SNX11: variants seen among roughly 807,000 people sequenced by gnomAD.
The protein encoded by SNX11 is sorting nexin-11.
In SNX11, 19 loss-of-function variants were observed where a neutral mutation model predicts 30.7. The observed-to-expected ratio is 0.62, with a 90% confidence interval of 0.43 to 0.91. SNX11 has a LOEUF of 0.91. Ranked by LOEUF, SNX11 falls within the 40% of genes least tolerant of loss-of-function variation. SNX11 has a pLI of 0.00. For missense variants in SNX11, 302 were observed against 326.7 expected (o/e 0.92, Z 0.58); for synonymous variants, 112 against 119.0 (o/e 0.94, Z 0.38).
In SNX11 at chr17:48,119,098, A is replaced by G; in HGVS notation, c.451A>G (p.Ile151Val). 1.2e-6 allele frequency: 2 copies of G among 1,614,166 alleles called. No homozygotes were observed. Among genetic ancestry groups the G allele is most frequent in the Non-Finnish European group, 1.7e-6 (2 of 1,180,032 alleles). ...GRSTMTVSDA[I>V]LRYAMSNCGW... ...AAGTACCATGACTGTGTCTGATGCCATTCTTCGATATGCTATGTCAAACTG... is the reference window on the plus strand; with the variant it reads ...AAGTACCATGACTGTGTCTGATGCCGTTCTTCGATATGCTATGTCAAACTG... Residue 151 changes from isoleucine (I) to valine (V), a missense_variant, in exon 6 of 7, where the codon ATT becomes GTT. Ile to Val is a conservative substitution (Grantham distance 29). Transcript: ENST00000359238.
In SNX11 at chr17:48,121,509, G is replaced by A. The variant is rs748693854; in HGVS notation, c.*1G>A. 1.9e-6 allele frequency: 3 copies of A among 1,613,012 alleles called. No individual in the cohort carries two copies. Among genetic ancestry groups the A allele is most frequent in the South Asian group, 1.1e-5 (1 of 91,014 alleles). Reference sequence around the variant, plus strand: ...GTTAGAAACAGTTTTGGAAAAGTGAGCTCTGGGTTCTGCTCTGAGATGGTC... The same window carrying A: ...GTTAGAAACAGTTTTGGAAAAGTGAACTCTGGGTTCTGCTCTGAGATGGTC... On this transcript the variant is annotated 3_prime_UTR_variant, in exon 7 of 7. Transcript: ENST00000359238.
At chr17:48,119,210 A>C in intron 6 of SNX11, 24 bp downstream of exon 6, 1 of 1,572,828 alleles carries the variant, frequency 6.4e-7, no homozygotes, top group East Asian at 2.2e-5. Flanking sequence ...TCTTTGAGAT[A>C]GCAGGGGCTA....
At chr17:48,109,760 T>A (rs1364536191) in intron 1 of SNX11, among the ~76,000 whole-genome samples, 1 of 152,004 alleles carries the variant, frequency 6.6e-6, no homozygotes, top group Admixed American at 6.6e-5. Flanking sequence ...TTATTTTTAG[T>A]AGAGACGGAG....
At chr17:48,109,767 G>A (rs1292132536) in intron 1 of SNX11, among the ~76,000 whole-genome samples, 5 of 151,898 alleles carry the variant, frequency 3.3e-5, no homozygotes, top group East Asian at 1.9e-4. Flanking sequence ...TAGTAGAGAC[G>A]GAGTTTCATT....
At chr17:48,109,171 G>GT (rs1343525872) in intron 1 of SNX11, among the ~76,000 whole-genome samples, 1 of 151,082 alleles carries the variant, frequency 6.6e-6, no homozygotes, top group Non-Finnish European at 1.5e-5. Flanking sequence ...GGCCTCAAGT[G>GT]TTCTGCCCGC....
At chr17:48,118,665 T>C in intron 4 of SNX11, 39 bp from the exon 5 acceptor site, 2 of 1,428,560 alleles carry the variant, frequency 1.4e-6, no homozygotes, top group South Asian at 1.2e-5. Flanking sequence ...ATCTTAGATG[T>C]TACACTTATC....
chr17:48,119,121 C>T lies in SNX11; in HGVS notation c.474C>T (p.Asn158=), dbSNP rs1598339336. ...SDAILRYAMS[N]CGWAQEERQS... ...CCATTCTTCGATATGCTATGTCAAA[C>T]TGTGGCTGGGCCCAGGAAGAGAGGC... Residue 158 remains asparagine (N), a synonymous_variant, in exon 6 of 7, where the codon AAC becomes AAT. Transcript: ENST00000359238. 6.2e-7 allele frequency: 1 copy of T among 1,614,156 alleles called. No homozygotes were observed. The highest frequency in any genetic ancestry group is 8.5e-7 in the Non-Finnish European group (1 of 1,180,040).
chr17:48,112,710 G>T, intron 3 of SNX11, 50 bp downstream of exon 3: 1 of 1,222,662 alleles, frequency 8.2e-7, no homozygotes, highest in Non-Finnish European at 1.2e-6. Context: ...CAGGGCTGAG[G>T]GGCTTGTACT....
intron 1 of SNX11, chr17:48,111,097 G>T (rs1006765373): frequency 1.3e-5 from 13 of 985,260 alleles, no homozygotes; most frequent in Non-Finnish European, 1.4e-5. Context: ...TTGGACAGAA[G>T]TACAAACCGG....
At chr17:48,111,946 A>T in intron 1 of SNX11, 85 bp from the exon 2 acceptor site, 1 of 1,144,220 alleles carries the variant, frequency 8.7e-7, no homozygotes, top group Non-Finnish European at 1.3e-6. Context: ...GGGGTCTATT[A>T]AAAACTTTCG....
rs2063573477 is a variant in SNX11, at chr17:48,119,016, C to T, written c.369C>T (p.His123=). 6.2e-7 allele frequency: 1 copy of T among 1,614,072 alleles called. No individual in the cohort carries two copies. The highest frequency in any genetic ancestry group is 8.5e-7 in the Non-Finnish European group (1 of 1,180,026). Residue 123 remains histidine (H), a synonymous_variant, in exon 6 of 7, where the codon CAC becomes CAT. Transcript: ENST00000359238. ...TTCTCCTGTCAGACAGCCAGTTGCA[C>T]CTATTCCTGCAAAGCCAGCTCTCGG... is the stretch of plus-strand genomic sequence containing the variant. ...SVVLLSDSQL[H]LFLQSQLSVP...
At chr17:48,118,295 T>C (rs986818322) in intron 4 of SNX11, among the ~76,000 whole-genome samples, 21 of 151,932 alleles carry the variant, frequency 1.4e-4, no homozygotes, top group Non-Finnish European at 2.2e-4. Context: ...TAAAAGCTAA[T>C]TGGGGCCAGG....
In SNX11 at chr17:48,113,587, A is replaced by G. The variant is rs561664470; in HGVS notation, c.230+186A>G. ...TTGATGTAGGGTCTTGCTTTGTTAC[A>G]GAGGCTGGAGTGCAGTGGTGCAATC... On this transcript the variant is annotated intron_variant, in intron 4 of 6. Coordinates refer to ENST00000359238, the MANE Select transcript of SNX11 (RefSeq NM_013323.3). 1.3e-3 allele frequency: 595 copies of G among 462,484 alleles called. 8 individuals are homozygous for G. The highest frequency in any genetic ancestry group is 0.012 in the African/African-American group (565 of 48,994). 28.6% of individuals were successfully genotyped at this position (462,484 alleles called of 1,614,324 possible). A position where few individuals can be genotyped will look rare whatever the true frequency, so the allele number is the denominator to read the frequency against.
chr17:48,117,430 A>G (rs1045406582), intron 4 of SNX11, among the ~76,000 whole-genome samples: 2 of 151,002 alleles, frequency 1.3e-5, no homozygotes, highest in Non-Finnish European at 3.0e-5. Context: ...AGTTTTTTCT[A>G]TTTTTTAGTT....
chr17:48,112,022 C>G lies in SNX11; in HGVS notation c.-13-9C>G, dbSNP rs780093748. ...TAACCTTGATCCTGTATCCTCTGTC[C>G]CTCATCAGATGTTTCCTTCCAATGG... On this transcript the variant is annotated splice_polypyrimidine_tract_variant and intron_variant, in intron 1 of 6. Transcript: ENST00000359238. The G allele has an allele frequency of 6.2e-7, 1 of 1,607,480 alleles. No individual in the cohort carries two copies. Among genetic ancestry groups the G allele is most frequent in the African/African-American group, 1.3e-5 (1 of 74,738 alleles).
chr17:48,116,467 C>A (rs2063546795), intron 4 of SNX11, among the ~76,000 whole-genome samples: 1 of 152,108 alleles, frequency 6.6e-6, no homozygotes, highest in African/African-American at 2.4e-5. Flanking sequence ...GATCCTCCTA[C>A]CTCAGTCTCC....
chr17:48,108,918 G>A (rs2063462308), intron 1 of SNX11, among the ~76,000 whole-genome samples: 1 of 152,150 alleles, frequency 6.6e-6, no homozygotes, highest in Non-Finnish European at 1.5e-5. Flanking sequence ...CTAGGTTTTT[G>A]TATTTGTTCC....
At chr17:48,110,812 A>G (rs1225794786) in intron 1 of SNX11, 2 of 152,684 alleles carry the variant, frequency 1.3e-5, no homozygotes, top group Admixed American at 1.3e-4. Flanking sequence ...CTCTCTTAAG[A>G]GAGAAGGGGG....
Position 48,112,671 on chromosome 17 carries a change from C to G in SNX11, c.129+11C>G. 1 of 1,587,000 alleles carries G rather than the reference C, an allele frequency of 6.3e-7. No individual in the cohort carries two copies. On this transcript the variant is annotated intron_variant, in intron 3 of 6. Transcript: ENST00000359238. ...AAGATATTCCTCCATGTGAGTACAT[C>G]AAGCTTCTGTATTGGGGTCAGCGCT...
Sources: allele counts gnomAD v4.1 joint callset (sites outside exome capture counted in the v4.1 genomes callset), GRCh38; gene constraint gnomAD v4.1.1; transcripts MANE v1.5; gene names NCBI Gene and HGNC (gene_info 2026-07-23, HGNC 2026-07-21).